Variants in ANXA3 observed in about 807,000 individuals in gnomAD.
ANXA3 encodes annexin A3.
A neutral mutation model predicts 48.8 loss-of-function variants in ANXA3; 46 were observed. The ratio of observed to expected loss-of-function variants is 0.94; its 90% CI spans 0.74 to 1.21. ANXA3 has a LOEUF of 1.21. Among genes scored for constraint, ANXA3 ranks in the 50% most tolerant of loss-of-function variants. ANXA3 has a pLI of 0.00. For missense variants in ANXA3, 383 were observed against 378.6 expected (o/e 1.01, Z -0.10); for synonymous variants, 128 against 134.7 (o/e 0.95, Z 0.35).
At chr4:78,564,259 C>T (rs1346781800) in intron 2 of ANXA3, among the ~76,000 whole-genome samples, 1 of 152,156 alleles carries the variant, frequency 6.6e-6, no homozygotes, top group Non-Finnish European at 1.5e-5. Flanking sequence ...CAGACACAGT[C>T]ATGCATTTCA....
chr4:78,608,200 T>C (rs1209572625), intron 12 of ANXA3, among the ~76,000 whole-genome samples: 2 of 152,148 alleles, frequency 1.3e-5, no homozygotes, highest in East Asian at 3.9e-4. Context: ...GAAAGTGACA[T>C]TGTGCTAAAA....
chr4:78,582,405 A>G (rs1432770931), intron 5 of ANXA3, 115 bp downstream of exon 5: 1 of 646,746 alleles, frequency 1.5e-6, no homozygotes, highest in African/African-American at 1.8e-5. Flanking sequence ...TTTGGTCTGG[A>G]CTCTCCCAGT....
In ANXA3 at chr4:78,609,028, A is replaced by G. The variant is rs141464139; in HGVS notation, c.913-1028A>G. ...AGCAAGACAGGAAAACCAATAGCAT[A>G]AGAACTAAAATCTATATAAAAACGA... is the stretch of plus-strand genomic sequence containing the variant. On this transcript the variant is annotated intron_variant, in intron 12 of 12. Coordinates refer to ENST00000264908, the MANE Select transcript of ANXA3 (RefSeq NM_005139.3). 1.4e-4 allele frequency among the ~76,000 whole-genome samples: 22 copies of G among 152,334 alleles called. No individual in the cohort carries two copies. In the East Asian group the frequency reaches 4.2e-3, roughly 29 times the overall value.
chr4:78,582,264 GC>G lies in ANXA3; in HGVS notation c.287del (p.Ala96GlufsTer4), dbSNP rs1313314439. 1.2e-6 allele frequency: 2 copies of G among 1,612,962 alleles called. No individual in the cohort carries two copies. Among genetic ancestry groups the G allele is most frequent in the Non-Finnish European group, 1.7e-6 (2 of 1,179,030 alleles). ...AGTGACTCCACCAGCAGTCTTTGAT[GC>G]AAAGCAGCTAAAGAAATCCATGAAG... is the stretch of plus-strand genomic sequence containing the variant. Reference protein sequence around the residue: ...ALVTPPAVFDAKQLKKSMKGA... With the variant: ...ALVTPPAVFDXKQLKKSMKGA... On this transcript the variant is annotated frameshift_variant, in exon 5 of 13. Transcript: ENST00000264908. LOFTEE classifies it high-confidence loss of function.
At chr4:78,565,316 T>G (rs963795558) in intron 2 of ANXA3, among the ~76,000 whole-genome samples, 2 of 152,150 alleles carry the variant, frequency 1.3e-5, no homozygotes, top group Admixed American at 1.3e-4. Flanking sequence ...TTGGCTGCTA[T>G]GTGGGAAATG....
At chr4:78,604,161 A>G (rs1723600291) in intron 11 of ANXA3, 116 bp from the exon 12 acceptor site, 4 of 935,624 alleles carry the variant, frequency 4.3e-6, no homozygotes, top group Non-Finnish European at 6.0e-6. Context: ...TAAATGAAAA[A>G]GAATCACTAT....
chr4:78,587,653 G>A (rs1390941904), intron 6 of ANXA3, among the ~76,000 whole-genome samples: 1 of 152,212 alleles, frequency 6.6e-6, no homozygotes, highest in Non-Finnish European at 1.5e-5. Flanking sequence ...TCATGTAGGT[G>A]TTAAAGAGGA....
At chr4:78,595,465 C>T in intron 8 of ANXA3, 28 bp downstream of exon 8, 1 of 1,611,216 alleles carries the variant, frequency 6.2e-7, no homozygotes, top group Non-Finnish European at 8.5e-7. Context: ...AAAACATTTC[C>T]TTTACCTATT....
At chr4:78,565,640 CA>C (rs1722714421) in intron 2 of ANXA3, among the ~76,000 whole-genome samples, 1 of 152,168 alleles carries the variant, frequency 6.6e-6, no homozygotes, top group Non-Finnish European at 1.5e-5. Context: ...TGCCTAGGTT[CA>C]AATCCTGGCT....
intron 2 of ANXA3, among the ~76,000 whole-genome samples, chr4:78,556,415 A>T (rs980564497): frequency 1.3e-5 from 2 of 152,266 alleles, no homozygotes; most frequent in African/African-American, 4.8e-5. Context: ...ATTTACGGAA[A>T]GACTATTACA....
chr4:78,555,388 G>A (rs905240175), intron 2 of ANXA3, among the ~76,000 whole-genome samples: 13 of 152,084 alleles, frequency 8.5e-5, no homozygotes, highest in Non-Finnish European at 1.5e-4. Context: ...AAGACAGCTC[G>A]CAGGGAAAAA....
At chr4:78,570,470 C>T (rs1006733988) in intron 2 of ANXA3, among the ~76,000 whole-genome samples, 1 of 152,176 alleles carries the variant, frequency 6.6e-6, no homozygotes, top group East Asian at 1.9e-4. Context: ...CACCTGGGAG[C>T]TTCTTACACA....
intron 2 of ANXA3, among the ~76,000 whole-genome samples, chr4:78,565,885 T>C (rs1722719590): frequency 6.6e-6 from 1 of 152,074 alleles, no homozygotes; most frequent in African/African-American, 2.4e-5. Flanking sequence ...AACAAATACA[T>C]GGAGGAGACA....
chr4:78,557,651 C>T (rs1432423310), intron 2 of ANXA3, among the ~76,000 whole-genome samples: 1 of 151,662 alleles, frequency 6.6e-6, no homozygotes, highest in Non-Finnish European at 1.5e-5. Flanking sequence ...AGAAAGAGGC[C>T]CTAGCCAAAG....
At chr4:78,579,001 A>T (rs1460341617) in intron 3 of ANXA3, 26 bp from the exon 4 acceptor site, 1 of 1,498,254 alleles carries the variant, frequency 6.7e-7, no homozygotes, top group Admixed American at 1.7e-5. Context: ...ATAAATATTG[A>T]GTAAAATAAC....
At chr4:78,582,156 C>T in intron 4 of ANXA3, 21 bp from the exon 5 acceptor site, 3 of 1,513,046 alleles carry the variant, frequency 2.0e-6, no homozygotes, top group East Asian at 2.3e-5. Context: ...CACATTTTTC[C>T]CCTTGGTTTT....
chr4:78,554,854 T>C (rs1209505742), intron 2 of ANXA3, among the ~76,000 whole-genome samples: 1 of 152,194 alleles, frequency 6.6e-6, no homozygotes. Context: ...TCTGTATTCC[T>C]TTTTCTCCTT....
At chr4:78,561,926 A>G (rs951895726) in intron 2 of ANXA3, among the ~76,000 whole-genome samples, 2 of 152,264 alleles carry the variant, frequency 1.3e-5, no homozygotes, top group African/African-American at 4.8e-5. Flanking sequence ...AAGCCTGGAA[A>G]GTTTCTCATC....
intron 9 of ANXA3, among the ~76,000 whole-genome samples, chr4:78,596,852 C>G (rs1376926630): frequency 1.3e-5 from 2 of 152,070 alleles, no homozygotes; most frequent in Non-Finnish European, 2.9e-5. Context: ...AATTCAAATG[C>G]CTTCTGGGAG....
Sources: allele counts gnomAD v4.1 joint callset (sites outside exome capture counted in the v4.1 genomes callset), GRCh38; gene constraint gnomAD v4.1.1; transcripts MANE v1.5; gene names NCBI Gene and HGNC (gene_info 2026-07-23, HGNC 2026-07-21).